SAMTOR: variants seen among roughly 807,000 people sequenced by gnomAD.
SAMTOR encodes UPF0532 protein C7orf60.
At chr7:112,896,497 T>C in the SAMTOR span, among the ~76,000 whole-genome samples, 1 of 152,218 alleles carries the variant, frequency 6.6e-6, no homozygotes, top group Non-Finnish European at 1.5e-5. Flanking sequence ...ATCCCATTAG[T>C]TCAACTTCAG....
chr7:112,865,314 T>C, the SAMTOR span, among the ~76,000 whole-genome samples: 1 of 151,954 alleles, frequency 6.6e-6, no homozygotes, highest in East Asian at 1.9e-4. Context: ...AGTCTCTCTC[T>C]GTCACCAGGC....
chr7:112,911,668 A>G, the SAMTOR span, among the ~76,000 whole-genome samples: 1 of 152,068 alleles, frequency 6.6e-6, no homozygotes, highest in Non-Finnish European at 1.5e-5. Flanking sequence ...TTTTTAAAAT[A>G]GAGAAAAAGA....
the SAMTOR span, among the ~76,000 whole-genome samples, chr7:112,870,931 G>C: frequency 1.6e-4 from 25 of 152,116 alleles, no homozygotes; most frequent in African/African-American, 5.8e-4. Flanking sequence ...ACAAAGCACA[G>C]AGAAGGGCAC....
chr7:112,915,978 G>A, the SAMTOR span, among the ~76,000 whole-genome samples: 3 of 152,114 alleles, frequency 2.0e-5, no homozygotes, highest in Non-Finnish European at 4.4e-5. Flanking sequence ...GGGGTTGGTA[G>A]GTAAGATGAC....
chr7:112,839,519 G>A, the SAMTOR span, among the ~76,000 whole-genome samples: 3 of 151,766 alleles, frequency 2.0e-5, no homozygotes. Flanking sequence ...CATCACCTTA[G>A]TCAAAAGATC....
At chr7:112,922,899 C>A in the SAMTOR span, among the ~76,000 whole-genome samples, 31 of 143,474 alleles carry the variant, frequency 2.2e-4, 1 homozygote, top group South Asian at 6.0e-3. Flanking sequence ...GCCCCCCCCC[C>A]CCGGGCCAGC....
the SAMTOR span, among the ~76,000 whole-genome samples, chr7:112,861,810 TA>T: frequency 6.6e-6 from 1 of 152,194 alleles, no homozygotes; most frequent in Admixed American, 6.5e-5. Flanking sequence ...GTCCCCTTTT[TA>T]AAAAAACCTT....
the SAMTOR span, among the ~76,000 whole-genome samples, chr7:112,833,556 C>T: frequency 3.9e-5 from 6 of 151,954 alleles, no homozygotes; most frequent in African/African-American, 1.5e-4. Context: ...AATGATCTTC[C>T]CTAGTAAAAG....
chr7:112,890,339 G>C, the SAMTOR span, among the ~76,000 whole-genome samples: 1 of 151,674 alleles, frequency 6.6e-6, no homozygotes, highest in Non-Finnish European at 1.5e-5. Flanking sequence ...GCAACCCCTA[G>C]GAAATCAGCC....
At chr7:112,821,756 T>C in the SAMTOR span, 1 of 1,595,458 alleles carries the variant, frequency 6.3e-7, no homozygotes, top group East Asian at 2.2e-5. Context: ...AACTTAAAAG[T>C]AATATGGGGT....
At chr7:112,893,525 T>C in the SAMTOR span, among the ~76,000 whole-genome samples, 1 of 152,238 alleles carries the variant, frequency 6.6e-6, no homozygotes, top group African/African-American at 2.4e-5. Flanking sequence ...CTTGAGGGAA[T>C]GCTGTGGTTG....
At chr7:112,875,403 C>T in the SAMTOR span, among the ~76,000 whole-genome samples, 1 of 152,120 alleles carries the variant, frequency 6.6e-6, no homozygotes, top group Non-Finnish European at 1.5e-5. Flanking sequence ...AATAACTTTT[C>T]AATTCCAATA....
chr7:112,840,860 A>C, the SAMTOR span, among the ~76,000 whole-genome samples: 1 of 152,108 alleles, frequency 6.6e-6, no homozygotes, highest in Non-Finnish European at 1.5e-5. Context: ...GATGCAGAAA[A>C]GGCCTTCGAT....
chr7:112,929,872 T>C, the SAMTOR span, among the ~76,000 whole-genome samples: 2 of 152,118 alleles, frequency 1.3e-5, no homozygotes, highest in African/African-American at 4.8e-5. Context: ...TTACTGTACA[T>C]GAATCATATC....
chr7:112,881,476 T>A, the SAMTOR span, among the ~76,000 whole-genome samples: 1 of 152,164 alleles, frequency 6.6e-6, no homozygotes, highest in African/African-American at 2.4e-5. Context: ...TCCTCCCTTC[T>A]GAGTCCATAA....
At chr7:112,819,917 C>T in the SAMTOR span, 1 of 152,406 alleles carries the variant, frequency 6.6e-6, no homozygotes, top group Admixed American at 6.6e-5. Flanking sequence ...CAAAATAGTT[C>T]AAAAGAGTTC....
the SAMTOR span, among the ~76,000 whole-genome samples, chr7:112,865,201 C>A: frequency 2.0e-5 from 3 of 152,158 alleles, no homozygotes; most frequent in African/African-American, 7.2e-5. Flanking sequence ...TTAAACCCAG[C>A]ACTTTGGGTG....
At chr7:112,895,475 G>A in the SAMTOR span, 1 of 836,794 alleles carries the variant, frequency 1.2e-6, no homozygotes. Context: ...TACTGGAGGA[G>A]CAAGTAAACT....
At chr7:112,936,508 C>T in the SAMTOR span, among the ~76,000 whole-genome samples, 1 of 152,184 alleles carries the variant, frequency 6.6e-6, no homozygotes, top group Non-Finnish European at 1.5e-5. Flanking sequence ...CCACCCCAAG[C>T]CTGTTCATCA....
Sources: gnomAD v4.1 joint callset for allele counts (sites outside exome capture counted in the v4.1 genomes callset) on GRCh38, gnomAD v4.1.1 for gene constraint, MANE v1.5 for transcripts, NCBI Gene and HGNC (gene_info 2026-07-23, HGNC 2026-07-21) for gene names.